Variants in GRID1 observed in about 807,000 individuals in gnomAD.
GRID1 encodes the protein glutamate receptor ionotropic, delta-1.
In GRID1, 28 loss-of-function variants were observed where a neutral mutation model predicts 98.0. The ratio of observed to expected loss-of-function variants is 0.29; its 90% CI spans 0.21 to 0.39. The LOEUF is 0.39. GRID1 is among the 10% of genes least tolerant of loss of function. GRID1 has a pLI of 1.00. For synonymous variants in GRID1, 553 were observed against 538.5 expected (o/e 1.03, Z -0.37); for missense variants, 1,111 against 1,340.5 (o/e 0.83, Z 2.67).
At chr10:86,279,641 C>T (rs1280487360) in intron 2 of GRID1, among the ~76,000 whole-genome samples, 1 of 152,188 alleles carries the variant, frequency 6.6e-6, no homozygotes, top group Non-Finnish European at 1.5e-5. Context: ...CTACAGCTAA[C>T]ATCATATTTA....
At chr10:85,718,037 A>C (rs1181591014) in intron 12 of GRID1, among the ~76,000 whole-genome samples, 1 of 152,222 alleles carries the variant, frequency 6.6e-6, no homozygotes, top group Admixed American at 6.5e-5. Context: ...TGCAGGGTAC[A>C]GCCTCCCTCA....
intron 5 of GRID1, among the ~76,000 whole-genome samples, chr10:85,883,771 C>A (rs946212971): frequency 6.6e-6 from 1 of 152,148 alleles, no homozygotes; most frequent in African/African-American, 2.4e-5. Flanking sequence ...TTTTTAAAGA[C>A]ACCGTAAATA....
intron 13 of GRID1, among the ~76,000 whole-genome samples, chr10:85,628,252 A>G (rs1842934632): frequency 1.3e-5 from 2 of 151,574 alleles, no homozygotes; most frequent in African/African-American, 2.4e-5. Flanking sequence ...ATGTGCAGGT[A>G]TGACTGTGTA....
intron 5 of GRID1, among the ~76,000 whole-genome samples, chr10:85,909,234 C>T (rs12249931): frequency 0.071 from 10,743 of 152,214 alleles, 1,099 homozygotes; most frequent in African/African-American, 0.23. Context: ...ATCAACATCA[C>T]AGTGAGGACC....
Position 86,206,835 on chromosome 10 carries a change from G to T in GRID1, c.236-187C>A, listed in dbSNP as rs117481227. ...TAAGCACAGCCTCACTGACATCCTT[G>T]GTGAAAATGCCAGCTATACATTCTT... On this transcript the variant is annotated intron_variant, in intron 2 of 15. Coordinates refer to ENST00000327946, the MANE Select transcript of GRID1 (RefSeq NM_017551.3). This position sits in a 1 kb window ranked among gnomAD's most constrained non-coding sequence, Gnocchi z 4.1. Among the ~76,000 whole-genome samples the T allele has an allele frequency of 7.6e-3, 1,163 of 152,282 alleles. 7 individuals carry two copies. The highest frequency in any genetic ancestry group is 0.012 in the Admixed American group (191 of 15,296).
At position 85,916,086 on chromosome 10, in the gene GRID1, C is replaced by T. The variant is rs1841615727; in HGVS notation, c.780+100G>A. 3.3e-6 allele frequency: 3 copies of T among 909,020 alleles called. No homozygotes were observed. Among genetic ancestry groups the T allele is most frequent in the East Asian group, 2.5e-5 (1 of 39,994 alleles). 56.3% of individuals were successfully genotyped at this position (909,020 alleles called of 1,614,324 possible). ...GGTGGAGCCCCAGGATTCACAACAG[C>T]CCCCTAAGTCAGAATTGAACTGAAA... On this transcript the variant is annotated intron_variant, in intron 5 of 15. Transcript: ENST00000327946. This position sits in a 1 kb window ranked among gnomAD's most constrained non-coding sequence, Gnocchi z 4.0.
intron 2 of GRID1, among the ~76,000 whole-genome samples, chr10:86,217,536 C>A (rs1322281364): frequency 2.0e-5 from 3 of 152,170 alleles, no homozygotes; most frequent in African/African-American, 7.2e-5. Context: ...TCTGGGCGGG[C>A]AGAGGTAGTC....
At chr10:85,606,259 T>C (rs527290548) in intron 15 of GRID1, 1 of 152,238 alleles carries the variant, frequency 6.6e-6, no homozygotes, top group Non-Finnish European at 1.5e-5. Flanking sequence ...CATTCGCCTT[T>C]AAAGTCTCCG....
chr10:85,964,596 A>T (rs1383639270), intron 4 of GRID1, among the ~76,000 whole-genome samples: 3 of 152,240 alleles, frequency 2.0e-5, no homozygotes. Context: ...ATATGCCAAA[A>T]GCTGAAACTG....
chr10:86,079,150 A>T (rs969664019), intron 4 of GRID1, among the ~76,000 whole-genome samples: 1 of 152,192 alleles, frequency 6.6e-6, no homozygotes, highest in Admixed American at 6.5e-5. Flanking sequence ...GTGTGGGGAC[A>T]TGGGGCCCAA....
intron 4 of GRID1, among the ~76,000 whole-genome samples, chr10:86,070,324 C>T (rs2131920522): frequency 6.6e-6 from 1 of 152,312 alleles, no homozygotes; most frequent in East Asian, 1.9e-4. Context: ...CTGATGGGAG[C>T]AGGGTCAGAC....
In GRID1 at chr10:86,205,826, A is replaced by G. The variant is rs1038177197; in HGVS notation, c.520+538T>C. Reference sequence around the variant, plus strand: ...TTTTTTTTCATATGAGAGGTCTTCAAAGAAGCCATGCCCAGCCCTACCCAG... The same window carrying G: ...TTTTTTTTCATATGAGAGGTCTTCAGAGAAGCCATGCCCAGCCCTACCCAG... On this transcript the variant is annotated intron_variant, in intron 3 of 15. Transcript: ENST00000327946. Among the ~76,000 whole-genome samples, 3 of 152,276 alleles carry G rather than the reference A, an allele frequency of 2.0e-5. No individual in the cohort carries two copies. The East Asian group carries it at 5.8e-4, about 29-fold the overall frequency.
chr10:86,236,609 T>C (rs894914602), intron 2 of GRID1, among the ~76,000 whole-genome samples: 1 of 152,166 alleles, frequency 6.6e-6, no homozygotes, highest in Middle Eastern at 3.2e-3. Context: ...CTCCACCACC[T>C]GCATACATCA....
chr10:85,914,216 G>T (rs1841578969), intron 5 of GRID1, among the ~76,000 whole-genome samples: 1 of 152,176 alleles, frequency 6.6e-6, no homozygotes, highest in African/African-American at 2.4e-5. Context: ...CCTGAGGGTG[G>T]GTGGGGATTT....
chr10:86,005,484 C>A (rs2131877706), intron 4 of GRID1, among the ~76,000 whole-genome samples: 1 of 152,190 alleles, frequency 6.6e-6, no homozygotes, highest in East Asian at 1.9e-4. Context: ...AGCAGGGGAA[C>A]AAGGGTGTGA....
At chr10:85,797,203 T>A (rs1377585007) in intron 8 of GRID1, among the ~76,000 whole-genome samples, 1 of 152,104 alleles carries the variant, frequency 6.6e-6, no homozygotes, top group Non-Finnish European at 1.5e-5. Context: ...AAACACTGGA[T>A]AATTTAAATC....
At chr10:86,231,967 T>C (rs1220684729) in intron 2 of GRID1, among the ~76,000 whole-genome samples, 1 of 152,154 alleles carries the variant, frequency 6.6e-6, no homozygotes, top group Non-Finnish European at 1.5e-5. Flanking sequence ...GGGTTGCTCC[T>C]ATACTGCAAA....
Position 86,365,263 on chromosome 10 carries a change from C to T in GRID1, c.79+1051G>A, listed in dbSNP as rs1221540219. Among the ~76,000 whole-genome samples, 2 of 148,210 alleles carry T rather than the reference C, an allele frequency of 1.3e-5. No homozygotes were observed. Among genetic ancestry groups the T allele is most frequent in the African/African-American group, 2.5e-5 (1 of 40,504 alleles). On this transcript the variant is annotated intron_variant, in intron 1 of 15. Coordinates refer to ENST00000327946, the MANE Select transcript of GRID1 (RefSeq NM_017551.3). The surrounding 1 kb of genome is among the most constrained non-coding windows in gnomAD (Gnocchi z 4.8). ...TCCACCACCCACCCTCCCGCCTTGT[C>T]CCGTCCTCCTCGCCTTCAACACCTC...
At chr10:86,269,893 C>T (rs1847159554) in intron 2 of GRID1, among the ~76,000 whole-genome samples, 1 of 152,146 alleles carries the variant, frequency 6.6e-6, no homozygotes, top group Non-Finnish European at 1.5e-5. Context: ...TTTCACTGTA[C>T]TACGGGCACT....
Sources: allele counts gnomAD v4.1 joint callset (sites outside exome capture counted in the v4.1 genomes callset), GRCh38; gene constraint gnomAD v4.1.1; non-coding constraint Gnocchi (gnomAD v3.1); transcripts MANE v1.5; gene names NCBI Gene and HGNC (gene_info 2026-07-23, HGNC 2026-07-21).